The following ANO5 variants were observed in gnomAD, a reference collection of about 807,000 sequenced individuals.
The protein encoded by ANO5 is anoctamin-5.
ANO5 carries 109 observed loss-of-function variants against 121.0 expected under a neutral mutation model. That is an observed-to-expected ratio of 0.90 (90% confidence interval 0.77 to 1.06). ANO5 has a LOEUF of 1.06. Ranked by LOEUF, ANO5 falls within the 50% of genes least tolerant of loss-of-function variation. The probability of loss-of-function intolerance (pLI) is 0.00; values close to 1 mark genes in which losing one functional copy is unlikely to be tolerated. For missense variants in ANO5, 1,064 were observed against 1,078.5 expected, an observed-to-expected ratio of 0.99 and a Z score of 0.19; for synonymous variants, 406 against 359.9, an observed-to-expected ratio of 1.13 and a Z score of -1.45.
chr11:22,257,472 T>C (rs1361152151), intron 13 of ANO5, among the ~76,000 whole-genome samples: 2 of 152,148 alleles, frequency 1.3e-5, no homozygotes, highest in African/African-American at 4.8e-5. Context: ...TTATGTTTCA[T>C]ATCATGTGTA....
intron 18 of ANO5, 109 bp from the exon 19 acceptor site, chr11:22,272,675 G>A (rs549964874): frequency 1.2e-5 from 12 of 990,934 alleles, no homozygotes; most frequent in African/African-American, 6.4e-5. Flanking sequence ...CTGGATTGTC[G>A]TATTCGTGTG....
intron 5 of ANO5, 109 bp downstream of exon 5, chr11:22,221,319 T>G: frequency 2.2e-6 from 2 of 922,242 alleles, no homozygotes; most frequent in Non-Finnish European, 3.4e-6. Flanking sequence ...CCTGAAGTGT[T>G]ACTGAAAACT....
At chr11:22,254,489 C>T (rs1853927273) in intron 12 of ANO5, among the ~76,000 whole-genome samples, 1 of 151,680 alleles carries the variant, frequency 6.6e-6, no homozygotes. Context: ...GTCTGTCAGC[C>T]CAAGAATATA....
At chr11:22,192,902 G>T (rs1422468836), upstream of ANO5, 2 of 869,900 alleles carry the variant, frequency 2.3e-6, no homozygotes, top group African/African-American at 1.8e-5. Flanking sequence ...GGCAGAGCAG[G>T]GACCTGGGGA....
intron 21 of ANO5, among the ~76,000 whole-genome samples, chr11:22,278,944 C>G (rs980255785): frequency 6.0e-5 from 9 of 151,248 alleles, no homozygotes; most frequent in Non-Finnish European, 1.3e-4. Flanking sequence ...GGATTCACAG[C>G]TTTGTGGTAT....
rs1013510555 is a variant in ANO5, at chr11:22,281,238, T to C, written c.*1473T>C. Reference sequence around the variant, plus strand: ...ACACATAAGAAATTTTATCACAATATTTAAAACTAATATTTCATTATCTAA... The same window carrying C: ...ACACATAAGAAATTTTATCACAATACTTAAAACTAATATTTCATTATCTAA... On this transcript the variant is annotated 3_prime_UTR_variant, in exon 22 of 22. Transcript: ENST00000324559. The C allele has an allele frequency of 6.6e-6, 1 of 152,026 alleles. No homozygotes were observed. Among genetic ancestry groups the C allele is most frequent in the Non-Finnish European group, 1.5e-5 (1 of 67,896 alleles). 9.4% of individuals were successfully genotyped at this position (152,026 alleles called of 1,614,324 possible). A position where few individuals can be genotyped will look rare whatever the true frequency, so the allele number is the denominator to read the frequency against.
Position 22,257,416 on chromosome 11 carries a change from G to A in ANO5, c.1333-264G>A, listed in dbSNP as rs80249417. Among the ~76,000 whole-genome samples, 3,116 of 152,138 alleles carry A rather than the reference G, an allele frequency of 0.02. 104 individuals are homozygous for A. Among genetic ancestry groups the A allele is most frequent in the African/African-American group, 0.071 (2,939 of 41,472 alleles). Reference sequence around the variant, plus strand: ...ATTTGACTTTATTTACTCAGTGCCAGGCCCTAAACATTGTAATTCAGCATT... The same window carrying A: ...ATTTGACTTTATTTACTCAGTGCCAAGCCCTAAACATTGTAATTCAGCATT... On this transcript the variant is annotated intron_variant, in intron 13 of 21. Coordinates refer to ENST00000324559, the MANE Select transcript of ANO5 (RefSeq NM_213599.3).
intron 17 of ANO5, among the ~76,000 whole-genome samples, chr11:22,265,395 A>G (rs961745549): frequency 6.6e-6 from 1 of 152,134 alleles, no homozygotes; most frequent in Non-Finnish European, 1.5e-5. Context: ...ACATTTTTAG[A>G]CATGAAAAGA....
chr11:22,270,184 C>A, intron 17 of ANO5, 128 bp from the exon 18 acceptor site: 2 of 1,265,924 alleles, frequency 1.6e-6, no homozygotes, highest in African/African-American at 1.5e-5. Context: ...GGTGTCATTT[C>A]TCTTTGCTCT....
At chr11:22,267,514 A>ATATATATATATATATATATATATT (rs1854410502) in intron 17 of ANO5, among the ~76,000 whole-genome samples, 1 of 149,172 alleles carries the variant, frequency 6.7e-6, no homozygotes, top group African/African-American at 2.5e-5. Context: ...ACAATTATAT[A>ATATATATATATATATATATATATT]TATATATATA....
Position 22,227,678 on chromosome 11 carries a change from T to G in ANO5, c.648+92T>G. 3 of 1,492,548 alleles carry G rather than the reference T, an allele frequency of 2.0e-6. No individual in the cohort carries two copies. The East Asian group carries it at 6.8e-5, about 34-fold the overall frequency. The allele number at this position is 1,492,548 out of a possible 1,614,324, so 92.5% of individuals were successfully genotyped here. A position where few individuals can be genotyped will look rare whatever the true frequency, so the allele number is the denominator to read the frequency against. ...ACATGTGCAGATGTCGTACCATTTC[T>G]GCAAGGTGCTTCTGTATAGGATATA... On this transcript the variant is annotated intron_variant, in intron 7 of 21. Transcript: ENST00000324559.
At chr11:22,251,040 C>G in intron 12 of ANO5, 29 bp downstream of exon 12, 1 of 1,579,402 alleles carries the variant, frequency 6.3e-7, no homozygotes, top group South Asian at 1.1e-5. Flanking sequence ...AAAGAAACAG[C>G]TTTCTTCCTA....
At chr11:22,198,146 G>A (rs559374565) in intron 1 of ANO5, among the ~76,000 whole-genome samples, 41 of 152,240 alleles carry the variant, frequency 2.7e-4, no homozygotes, top group African/African-American at 8.2e-4. Context: ...TGAATGTCCC[G>A]ATGTTTCACA....
intron 3 of ANO5, among the ~76,000 whole-genome samples, chr11:22,214,737 C>T (rs553031051): frequency 6.6e-6 from 1 of 151,838 alleles, no homozygotes; most frequent in South Asian, 2.1e-4. Flanking sequence ...GTCAAGGGAG[C>T]TCTTTGGTTA....
chr11:22,234,908 C>T (rs190804552), intron 7 of ANO5, among the ~76,000 whole-genome samples: 5 of 152,148 alleles, frequency 3.3e-5, no homozygotes, highest in Admixed American at 3.3e-4. Flanking sequence ...TCTCTTCTCC[C>T]TATAGGAACC....
Position 22,259,744 on chromosome 11 carries a change from A to T in ANO5, c.1630+3A>T. The T allele has an allele frequency of 5.0e-6, 8 of 1,600,486 alleles. No homozygotes were observed. Among genetic ancestry groups the T allele is most frequent in the Non-Finnish European group, 6.8e-6 (8 of 1,168,016 alleles). On this transcript the variant is annotated splice_donor_region_variant and intron_variant, in intron 15 of 21. Coordinates refer to ENST00000324559, the MANE Select transcript of ANO5 (RefSeq NM_213599.3). ...ATCTGCCTGGATCACAAAAATGGGTAAGCTGGCCAAATCATTTGTGTGATT... is the reference window on the plus strand; with the variant it reads ...ATCTGCCTGGATCACAAAAATGGGTTAGCTGGCCAAATCATTTGTGTGATT...
At chr11:22,213,651 A>C (rs1044801509) in intron 3 of ANO5, among the ~76,000 whole-genome samples, 23 of 151,600 alleles carry the variant, frequency 1.5e-4, no homozygotes, top group African/African-American at 5.1e-4. Flanking sequence ...TCCATACTGC[A>C]ATCTTCAGAT....
intron 2 of ANO5, among the ~76,000 whole-genome samples, chr11:22,207,067 T>C (rs1852144036): frequency 6.6e-6 from 1 of 151,920 alleles, no homozygotes; most frequent in South Asian, 2.1e-4. Context: ...AAGAAGGTTG[T>C]AAAAAATAAG....
chr11:22,202,802 GC>G (rs1852003356), intron 1 of ANO5, among the ~76,000 whole-genome samples: 1 of 152,094 alleles, frequency 6.6e-6, no homozygotes, highest in African/African-American at 2.4e-5. Flanking sequence ...TCTTCACACT[GC>G]CTTCTTCTGT....
Sources: gnomAD v4.1 joint callset for allele counts (sites outside exome capture counted in the v4.1 genomes callset) on GRCh38, gnomAD v4.1.1 for gene constraint, MANE v1.5 for transcripts, NCBI Gene and HGNC (gene_info 2026-07-23, HGNC 2026-07-21) for gene names.